The following MAGI2 variants were observed in gnomAD, a reference collection of about 807,000 sequenced individuals.
MAGI2 encodes the protein membrane-associated guanylate kinase, WW and PDZ domain-containing protein 2.
MAGI2 carries 35 observed loss-of-function variants against 133.3 expected under a neutral mutation model. The ratio of observed to expected loss-of-function variants is 0.26; its 90% confidence interval spans 0.20 to 0.35. MAGI2 has a LOEUF of 0.35. Among genes scored for constraint, MAGI2 ranks in the 10% least tolerant of loss-of-function variants. The probability of loss-of-function intolerance (pLI) is 1.00; values close to 1 mark genes in which losing one functional copy is unlikely to be tolerated. For missense variants in MAGI2, 1,636 were observed against 1,863.4 expected (o/e 0.88, Z 2.25); for synonymous variants, 729 against 710.6 (o/e 1.03, Z -0.41).
chr7:78,419,600 ATT>A (rs149554875), intron 6 of MAGI2, among the ~76,000 whole-genome samples: 20,432 of 144,260 alleles, frequency 0.14, 1,560 homozygotes, highest in African/African-American at 0.22. Context: ...TTGAGCAGTG[ATT>A]TTTTTTTTTT....
At chr7:78,293,450 G>C (rs929602916) in intron 9 of MAGI2, among the ~76,000 whole-genome samples, 1 of 152,170 alleles carries the variant, frequency 6.6e-6, no homozygotes, top group Non-Finnish European at 1.5e-5. Flanking sequence ...TGCTGGAGAG[G>C]ATGTGGAGAA....
intron 2 of MAGI2, among the ~76,000 whole-genome samples, chr7:78,650,286 C>T (rs1472890560): frequency 6.6e-6 from 1 of 152,126 alleles, no homozygotes; most frequent in Non-Finnish European, 1.5e-5. Context: ...CATGTTTTCA[C>T]TCAATCATAA....
intron 2 of MAGI2, among the ~76,000 whole-genome samples, chr7:78,952,324 T>A (rs1314425378): frequency 6.6e-6 from 1 of 151,798 alleles, no homozygotes; most frequent in Non-Finnish European, 1.5e-5. Context: ...GGAGAAACAC[T>A]TACATTTAGC....
chr7:78,854,926 G>A (rs936890248), intron 2 of MAGI2, among the ~76,000 whole-genome samples: 2 of 151,582 alleles, frequency 1.3e-5, no homozygotes, highest in South Asian at 2.1e-4. Flanking sequence ...GTGCCATCTC[G>A]GCTCACTCCA....
chr7:79,238,259 T>C (rs893622605), intron 1 of MAGI2, among the ~76,000 whole-genome samples: 1 of 152,220 alleles, frequency 6.6e-6, no homozygotes, highest in African/African-American at 2.4e-5. Flanking sequence ...CTTCCATTTG[T>C]TTCCAGAATT....
chr7:78,368,793 T>C (rs1442378684), intron 7 of MAGI2, among the ~76,000 whole-genome samples: 3 of 152,322 alleles, frequency 2.0e-5, no homozygotes, highest in South Asian at 4.1e-4. Context: ...ATTCATTTAA[T>C]TGACTTCGAA....
chr7:78,130,612 C>A (rs1219905030), intron 18 of MAGI2, among the ~76,000 whole-genome samples: 1 of 152,152 alleles, frequency 6.6e-6, no homozygotes, highest in African/African-American at 2.4e-5. Context: ...AATGTGCCAC[C>A]ACCAACAATC....
Position 78,045,632 on chromosome 7 carries a change from AG to A in MAGI2, c.3707-25657del, listed in dbSNP as rs547307961. 2.1e-3 allele frequency among the ~76,000 whole-genome samples: 326 copies of A among 152,350 alleles called. 2 individuals are homozygous for A. Among genetic ancestry groups the A allele is most frequent in the Non-Finnish European group, 3.2e-3 (217 of 68,032 alleles). On this transcript the variant is annotated intron_variant, in intron 21 of 21. Coordinates refer to ENST00000354212, the MANE Select transcript of MAGI2 (RefSeq NM_012301.4). ...CGTTTTCATGAGCCTTTTCAGTTCC[AG>A]TCAACAATTTTATGGTTATGTTTAT...
chr7:78,825,515 C>T (rs1376471897), intron 2 of MAGI2, among the ~76,000 whole-genome samples: 3 of 152,074 alleles, frequency 2.0e-5, no homozygotes, highest in Non-Finnish European at 4.4e-5. Flanking sequence ...TTTGTGACAT[C>T]ATTTTAAGGC....
At position 78,510,901 on chromosome 7, in the gene MAGI2, C is replaced by T. The variant is rs145351213; in HGVS notation, c.755-9114G>A. Among the ~76,000 whole-genome samples, 399 of 152,260 alleles carry T rather than the reference C, an allele frequency of 2.6e-3. 2 individuals carry two copies. Among genetic ancestry groups the T allele is most frequent in the African/African-American group, 9.2e-3 (384 of 41,540 alleles). On this transcript the variant is annotated intron_variant, in intron 4 of 21. Coordinates refer to ENST00000354212, the MANE Select transcript of MAGI2 (RefSeq NM_012301.4). ...CAAAGCTTGGTCTTCTCATATACCC[C>T]CAGAGCAACTTTGGCTTTCTAGTCT... is the stretch of plus-strand genomic sequence containing the variant.
intron 2 of MAGI2, among the ~76,000 whole-genome samples, chr7:78,994,822 C>T (rs985018558): frequency 9.2e-5 from 14 of 152,066 alleles, no homozygotes; most frequent in African/African-American, 3.4e-4. Flanking sequence ...TTGTTAAATG[C>T]TGGTTCACTT....
At chr7:78,337,891 A>ATCATCCAT (rs1554351249) in intron 9 of MAGI2, among the ~76,000 whole-genome samples, 5 of 149,986 alleles carry the variant, frequency 3.3e-5, no homozygotes, top group Non-Finnish European at 5.9e-5. Context: ...CCATCCAATC[A>ATCATCCAT]CCATCCATCC....
chr7:78,508,082 T>C (rs1467743185), intron 4 of MAGI2, among the ~76,000 whole-genome samples: 1 of 152,200 alleles, frequency 6.6e-6, no homozygotes, highest in African/African-American at 2.4e-5. Flanking sequence ...AGTCTTCACA[T>C]GGTATTTTCC....
intron 20 of MAGI2, among the ~76,000 whole-genome samples, chr7:78,121,385 G>A (rs6466038): frequency 0.69 from 105,314 of 151,998 alleles, 36,742 homozygotes; most frequent in African/African-American, 0.75. Flanking sequence ...TAATATATAA[G>A]CATTTCTATA....
At chr7:79,393,696 T>TAATTTAATTTCTAAGAGC (rs1210159567) in intron 1 of MAGI2, among the ~76,000 whole-genome samples, 6 of 152,236 alleles carry the variant, frequency 3.9e-5, no homozygotes, top group African/African-American at 1.4e-4. Flanking sequence ...TTCATATCAA[T>TAATTTAATTTCTAAGAGC]AATTTAATTT....
intron 3 of MAGI2, among the ~76,000 whole-genome samples, chr7:78,603,258 A>G (rs989585683): frequency 1.3e-5 from 2 of 152,222 alleles, no homozygotes. Flanking sequence ...CTTGTACATA[A>G]TTAGCTTACA....
intron 2 of MAGI2, among the ~76,000 whole-genome samples, chr7:78,705,395 T>G (rs1241812613): frequency 1.3e-5 from 2 of 152,240 alleles, no homozygotes; most frequent in South Asian, 2.1e-4. Flanking sequence ...GAACTGTGAG[T>G]CAAGTAAACC....
intron 1 of MAGI2, chr7:79,354,438 C>A (rs987198468): frequency 2.6e-5 from 4 of 152,252 alleles, no homozygotes; most frequent in African/African-American, 9.7e-5. Flanking sequence ...TGCCTCCACC[C>A]CTAGTTAGAG....
At chr7:78,636,695 C>T (rs193078129) in intron 2 of MAGI2, among the ~76,000 whole-genome samples, 1 of 151,966 alleles carries the variant, frequency 6.6e-6, no homozygotes, top group South Asian at 2.1e-4. Context: ...CTACTCGGGA[C>T]GCTGAGGCAG....
Sources: allele counts gnomAD v4.1 joint callset (sites outside exome capture counted in the v4.1 genomes callset), GRCh38; gene constraint gnomAD v4.1.1; transcripts MANE v1.5; gene names NCBI Gene and HGNC (gene_info 2026-07-23, HGNC 2026-07-21).